Variants in CENPP observed in about 807,000 individuals in gnomAD.
CENPP encodes the protein centromere protein P.
CENPP carries 24 observed loss-of-function variants against 35.6 expected under a neutral mutation model. The observed-to-expected ratio is 0.67, with a 90% CI of 0.49 to 0.95. The LOEUF is 0.95. Among genes scored for constraint, CENPP ranks in the 40% least tolerant of loss-of-function variants. CENPP has a pLI of 0.00. For synonymous variants in CENPP, 120 were observed against 125.5 expected (o/e 0.96, Z 0.29); for missense variants, 332 against 345.3 (o/e 0.96, Z 0.31).
rs137867131 is a variant in CENPP, at chr9:92,526,514, G to A, written c.565-84800G>A. On this transcript the variant is annotated intron_variant, in intron 5 of 7. Coordinates refer to ENST00000375587, the MANE Select transcript of CENPP (RefSeq NM_001012267.3). Reference sequence around the variant, plus strand: ...CATATAAACAACCTAATAATACATCGTAAAGAACTAGAAAAGCAACAGCAA... The same window carrying A: ...CATATAAACAACCTAATAATACATCATAAAGAACTAGAAAAGCAACAGCAA... Among the ~76,000 whole-genome samples, 167 of 151,398 alleles carry A rather than the reference G, an allele frequency of 1.1e-3. 2 individuals carry two copies. The East Asian group carries it at 0.015, about 13-fold the overall frequency.
chr9:92,417,553 A>G (rs773458550), intron 5 of CENPP: 1 of 1,556,918 alleles, frequency 6.4e-7, no homozygotes, highest in Non-Finnish European at 8.6e-7. Context: ...GACTTAAAAA[A>G]CCCATCTTCT....
At chr9:92,415,182 A>C in intron 5 of CENPP, 1 of 1,610,664 alleles carries the variant, frequency 6.2e-7, no homozygotes, top group Non-Finnish European at 8.5e-7. Flanking sequence ...AATGAAGGTC[A>C]AAGTGCCCTT....
chr9:92,407,089 C>T lies in CENPP; in HGVS notation c.564+27230C>T, dbSNP rs886129528. 2.6e-5 allele frequency among the ~76,000 whole-genome samples: 4 copies of T among 152,282 alleles called. No individual in the cohort carries two copies. In the East Asian group the frequency reaches 7.7e-4, roughly 29 times the overall value. On this transcript the variant is annotated intron_variant, in intron 5 of 7. Transcript: ENST00000375587. ...TAGAAGGCTCCAGACTTGAAACTTC[C>T]ATTGTTCTCTGGATGCATTGCCTTA...
intron 1 of CENPP, among the ~76,000 whole-genome samples, chr9:92,331,450 G>C (rs556757521): frequency 6.6e-6 from 1 of 152,340 alleles, no homozygotes; most frequent in African/African-American, 2.4e-5. Flanking sequence ...AAAGTGCTGG[G>C]ATTACAGGCG....
rs144655897 is a variant in CENPP, at chr9:92,553,121, C to T, written c.565-58193C>T. Among the ~76,000 whole-genome samples the T allele has an allele frequency of 8.0e-3, 1,211 of 152,220 alleles. 6 individuals are homozygous for T. Among genetic ancestry groups the T allele is most frequent in the Non-Finnish European group, 0.012 (837 of 68,010 alleles). The stretch of plus-strand genomic sequence containing the variant: ...GAGATGATGATCCAGTTTTATTCTC[C>T]TACACGTGGCTAGCCAATTATCTCA... On this transcript the variant is annotated intron_variant, in intron 5 of 7. Coordinates refer to ENST00000375587, the MANE Select transcript of CENPP (RefSeq NM_001012267.3).
intron 5 of CENPP, among the ~76,000 whole-genome samples, chr9:92,589,331 A>G (rs1850615276): frequency 6.6e-6 from 1 of 151,820 alleles, no homozygotes; most frequent in African/African-American, 2.4e-5. Context: ...GGGAGACAGC[A>G]AGACCCTGTC....
chr9:92,596,445 C>CAAAAAAAAAAAAAAAAAAAAAAAAAA, intron 5 of CENPP, among the ~76,000 whole-genome samples: 1 of 72,002 alleles, frequency 1.4e-5, no homozygotes, highest in Non-Finnish European at 2.5e-5. Context: ...GACCCTGTGT[C>CAAAAAAAAAAAAAAAAAAAAAAAAAA]AAAAAAAAAA....
chr9:92,342,510 G>A (rs1214027219), intron 3 of CENPP, among the ~76,000 whole-genome samples: 3 of 152,226 alleles, frequency 2.0e-5, no homozygotes, highest in East Asian at 3.8e-4. Context: ...TACTAACAAA[G>A]TGCTACAGAA....
chr9:92,392,443 G>GA (rs1378713173), intron 5 of CENPP, among the ~76,000 whole-genome samples: 1 of 152,108 alleles, frequency 6.6e-6, no homozygotes, highest in East Asian at 1.9e-4. Flanking sequence ...CCAACATGGT[G>GA]AAACCCCATC....
intron 5 of CENPP, chr9:92,522,511 C>A: frequency 7.0e-7 from 1 of 1,431,796 alleles, no homozygotes; most frequent in East Asian, 2.5e-5. Flanking sequence ...CTCTCCTTCT[C>A]TTTCCCCATA....
intron 5 of CENPP, among the ~76,000 whole-genome samples, chr9:92,524,603 G>A (rs989449369): frequency 2.0e-5 from 3 of 152,132 alleles, no homozygotes; most frequent in Non-Finnish European, 4.4e-5. Context: ...TATACCCCTT[G>A]CAGCTTTCCT....
At position 92,594,916 on chromosome 9, in the gene CENPP, G is replaced by T. The variant is rs1159286964; in HGVS notation, c.565-16398G>T. 1.3e-4 allele frequency among the ~76,000 whole-genome samples: 13 copies of T among 97,008 alleles called. No individual in the cohort carries two copies. The South Asian group carries it at 3.5e-3, about 26-fold the overall frequency. 63.6% of individuals were successfully genotyped at this position (97,008 alleles called of 152,430 possible). On this transcript the variant is annotated intron_variant, in intron 5 of 7. Transcript: ENST00000375587. ...TCTTTTTTTTTTTTTTTTTTTTTGA[G>T]ATGGAGTTTAGCTCTTGTTGCCCAG... is the stretch of plus-strand genomic sequence containing the variant.
intron 5 of CENPP, chr9:92,517,490 A>G: frequency 1.4e-6 from 1 of 698,840 alleles, no homozygotes; most frequent in Non-Finnish European, 2.4e-6. Flanking sequence ...CTAGAACTAT[A>G]AAGCCACAGT....
chr9:92,534,162 CT>C (rs1356817178), intron 5 of CENPP, among the ~76,000 whole-genome samples: 2 of 152,132 alleles, frequency 1.3e-5, no homozygotes, highest in Admixed American at 6.5e-5. Flanking sequence ...TGAAGGACTC[CT>C]CAGAGTGTCT....
At chr9:92,515,763 T>G (rs1162099640) in intron 5 of CENPP, among the ~76,000 whole-genome samples, 3 of 152,222 alleles carry the variant, frequency 2.0e-5, no homozygotes, top group Admixed American at 6.5e-5. Flanking sequence ...TTCAGAATTA[T>G]AGAGAGAGAG....
intron 5 of CENPP, among the ~76,000 whole-genome samples, chr9:92,389,287 C>A (rs1318361835): frequency 6.6e-6 from 1 of 152,168 alleles, no homozygotes; most frequent in Admixed American, 6.5e-5. Flanking sequence ...AGATTACTTT[C>A]CCTTTTTCCT....
chr9:92,597,075 G>A (rs149560231), intron 5 of CENPP, among the ~76,000 whole-genome samples: 57 of 152,244 alleles, frequency 3.7e-4, no homozygotes, highest in African/African-American at 1.3e-3. Context: ...CTATATTTGA[G>A]CTTAGAGATG....
At chr9:92,571,222 T>C (rs1247585438) in intron 5 of CENPP, among the ~76,000 whole-genome samples, 1 of 152,146 alleles carries the variant, frequency 6.6e-6, no homozygotes, top group African/African-American at 2.4e-5. Context: ...CATTTAGTGC[T>C]ATAAATTTCG....
At chr9:92,424,614 A>G (rs1051253770) in intron 5 of CENPP, among the ~76,000 whole-genome samples, 1 of 152,210 alleles carries the variant, frequency 6.6e-6, no homozygotes, top group East Asian at 1.9e-4. Context: ...GAATTCTTCA[A>G]ATTAAGGCCC....
Sources: gnomAD v4.1 joint callset for allele counts (sites outside exome capture counted in the v4.1 genomes callset) on GRCh38, gnomAD v4.1.1 for gene constraint, MANE v1.5 for transcripts, NCBI Gene and HGNC (gene_info 2026-07-23, HGNC 2026-07-21) for gene names.